The following ACTR3C variants were observed in gnomAD, a reference collection of about 807,000 sequenced individuals.
ACTR3C encodes actin related protein 3C, also known as actin-related protein 3C.
ACTR3C carries 18 observed loss-of-function variants against 26.3 expected under a neutral mutation model. The observed-to-expected ratio is 0.68, with a 90% CI of 0.47 to 1.01. ACTR3C has a LOEUF of 1.01. ACTR3C is among the 50% of genes least tolerant of loss of function. The pLI is 0.00. For synonymous variants in ACTR3C, 55 were observed against 94.5 expected (o/e 0.58, Z 2.42); for missense variants, 184 against 250.7 (o/e 0.73, Z 1.80).
At chr7:149,952,049 T>C in the ACTR3C span, among the ~76,000 whole-genome samples, 1 of 150,386 alleles carries the variant, frequency 6.6e-6, no homozygotes, top group Non-Finnish European at 1.5e-5. Flanking sequence ...CTCCTCACCA[T>C]GTCTTCACAG....
chr7:150,315,498 G>A (rs1440121405), intron 1 of ACTR3C, among the ~76,000 whole-genome samples: 3 of 152,156 alleles, frequency 2.0e-5, no homozygotes, highest in Admixed American at 2.0e-4. Context: ...CAGGATGGAA[G>A]AAGTAAAAAA....
the ACTR3C span, among the ~76,000 whole-genome samples, chr7:150,159,396 G>A: frequency 1.3e-5 from 2 of 152,224 alleles, no homozygotes; most frequent in African/African-American, 4.8e-5. Flanking sequence ...TCAAGCCACA[G>A]GATCGATTCG....
chr7:150,314,192 G>A (rs1027381779), intron 1 of ACTR3C, among the ~76,000 whole-genome samples: 6 of 152,206 alleles, frequency 3.9e-5, no homozygotes, highest in African/African-American at 1.4e-4. Context: ...CCGTCACTGT[G>A]GCAGGAGCCG....
chr7:150,265,268 C>A (rs781097247), intron 6 of ACTR3C, among the ~76,000 whole-genome samples: 3 of 151,762 alleles, frequency 2.0e-5, no homozygotes, highest in Non-Finnish European at 4.4e-5. Context: ...GTAAGCCTAA[C>A]AACCTAGTTT....
the ACTR3C span, among the ~76,000 whole-genome samples, chr7:150,031,125 T>C: frequency 1.3e-5 from 2 of 151,868 alleles, no homozygotes; most frequent in South Asian, 2.1e-4. Flanking sequence ...GGCATGCTAG[T>C]GTGTGCCTGT....
chr7:150,047,111 G>C, the ACTR3C span, among the ~76,000 whole-genome samples: 3 of 151,724 alleles, frequency 2.0e-5, no homozygotes, highest in African/African-American at 7.3e-5. Flanking sequence ...GAACGAAGGA[G>C]AGGCATTTGA....
intron 2 of ACTR3C, among the ~76,000 whole-genome samples, chr7:150,294,453 TC>T (rs1373470645): frequency 6.6e-6 from 1 of 152,212 alleles, no homozygotes; most frequent in Non-Finnish European, 1.5e-5. Flanking sequence ...GTCTTATGTC[TC>T]CTGAAGTGTT....
At chr7:150,163,380 G>A in the ACTR3C span, among the ~76,000 whole-genome samples, 835 of 136,450 alleles carry the variant, frequency 6.1e-3, 8 homozygotes, top group African/African-American at 0.025. Flanking sequence ...ATATATATGT[G>A]TGTATGTGTG....
the ACTR3C span, among the ~76,000 whole-genome samples, chr7:150,075,630 C>A: frequency 6.6e-6 from 1 of 152,108 alleles, no homozygotes; most frequent in Non-Finnish European, 1.5e-5. Context: ...AAAAATCAGG[C>A]CTTTTGGACA....
chr7:149,941,464 T>C, the ACTR3C span, among the ~76,000 whole-genome samples: 1 of 152,274 alleles, frequency 6.6e-6, no homozygotes, highest in East Asian at 1.9e-4. Flanking sequence ...CTCTGTGGCC[T>C]GGACCCTAAT....
chr7:150,184,400 C>T, the ACTR3C span, among the ~76,000 whole-genome samples: 20 of 150,696 alleles, frequency 1.3e-4, no homozygotes, highest in Non-Finnish European at 2.4e-4. Flanking sequence ...GCTCTCTTGT[C>T]CAGTTGGTTT....
chr7:149,965,951 G>A, the ACTR3C span, among the ~76,000 whole-genome samples: 14 of 152,270 alleles, frequency 9.2e-5, no homozygotes, highest in African/African-American at 2.2e-4. Context: ...CCTTGGCTCC[G>A]GCTTCTGAAC....
chr7:150,240,576 TA>T (rs1832124536), downstream of ACTR3C, among the ~76,000 whole-genome samples: 1 of 151,852 alleles, frequency 6.6e-6, no homozygotes, highest in Non-Finnish European at 1.5e-5. Flanking sequence ...CAACTTTTTT[TA>T]AAAAAAGAAA....
the ACTR3C span, among the ~76,000 whole-genome samples, chr7:150,095,669 A>G: frequency 1.3e-5 from 2 of 149,146 alleles, no homozygotes; most frequent in African/African-American, 2.6e-5. Context: ...TTTCAAAACC[A>G]GGAATGCACA....
chr7:150,152,995 C>A, the ACTR3C span, among the ~76,000 whole-genome samples: 1 of 152,134 alleles, frequency 6.6e-6, no homozygotes, highest in Admixed American at 6.5e-5. Context: ...TCCCCTTTAT[C>A]ATTTTTTATT....
the ACTR3C span, among the ~76,000 whole-genome samples, chr7:150,037,096 C>G: frequency 4.7e-5 from 5 of 106,686 alleles, no homozygotes; most frequent in South Asian, 6.3e-4. Flanking sequence ...CGATGGGGGT[C>G]CTAAGAGCCA....
In ACTR3C at chr7:150,258,006, C is replaced by T. The variant is rs139121863; in HGVS notation, c.565-8952G>A. On this transcript the variant is annotated intron_variant, in intron 6 of 7. Transcript: ENST00000683684. Reference sequence around the variant, plus strand: ...GCTAGATGCCAGGAGGTTAGAGGTGCGACCAAGGGGGTGTGGCCCACAGGG... The same window carrying T: ...GCTAGATGCCAGGAGGTTAGAGGTGTGACCAAGGGGGTGTGGCCCACAGGG... Among the ~76,000 whole-genome samples, 1,499 of 152,198 alleles carry T rather than the reference C, an allele frequency of 9.8e-3. 24 individuals are homozygous for T. Among genetic ancestry groups the T allele is most frequent in the African/African-American group, 0.034 (1,428 of 41,496 alleles).
chr7:150,299,464 C>CAAAA (rs759969034), intron 1 of ACTR3C, among the ~76,000 whole-genome samples: 316 of 14,032 alleles, frequency 0.023, 18 homozygotes, highest in East Asian at 0.03. Context: ...GACCCCCTCT[C>CAAAA]AAAAAAAAAA....
chr7:150,284,831 G>C lies in ACTR3C; in HGVS notation c.486C>G (p.Asp162Glu), dbSNP rs1835640856. Residue 162 changes from aspartate to glutamate, a missense_variant, in exon 6 of 8, where the codon GAC becomes GAG. Asp to Glu is a conservative substitution (Grantham distance 45). Coordinates refer to ENST00000683684, the MANE Select transcript of ACTR3C (RefSeq NM_001164458.2). ...CAACATCTGAGATGGACTCCATAGAGTCTGGGTTGGCAAACTGAATTGTAT... is the reference window on the plus strand; with the variant it reads ...CAACATCTGAGATGGACTCCATAGACTCTGGGTTGGCAAACTGAATTGTAT... ...IFFHPEFANP[D>E]SMESISDVVD... 4 of 1,609,332 alleles carry C rather than the reference G, an allele frequency of 2.5e-6. No homozygotes were observed. The African/African-American group carries it at 4.0e-5, about 16-fold the overall frequency.
Sources: allele counts gnomAD v4.1 joint callset (sites outside exome capture counted in the v4.1 genomes callset), GRCh38; gene constraint gnomAD v4.1.1; transcripts MANE v1.5; gene names NCBI Gene and HGNC (gene_info 2026-07-23, HGNC 2026-07-21).